The following DDA1 variants were observed in gnomAD, a reference collection of about 807,000 sequenced individuals.
DDA1 encodes DET1 and DDB1 associated 1, also known as DET1- and DDB1-associated protein 1.
DDA1 carries 3 observed loss-of-function variants against 18.6 expected under a neutral mutation model. That is an observed-to-expected ratio of 0.16 (90% CI 0.07 to 0.42). The LOEUF is 0.42. Among genes scored for constraint, DDA1 ranks in the 10% least tolerant of loss-of-function variants. DDA1 has a pLI of 0.99. For synonymous variants in DDA1, 52 were observed against 54.0 expected, an observed-to-expected ratio of 0.96 and a Z score of 0.17; for missense variants, 105 against 138.2, an observed-to-expected ratio of 0.76 and a Z score of 1.20.
At chr19:17,315,305 TATATATATACAC>T (rs2074204670) in intron 3 of DDA1, among the ~76,000 whole-genome samples, 1 of 19,330 alleles carries the variant, frequency 5.2e-5, no homozygotes, top group Non-Finnish European at 1.5e-4. Context: ...TACACACGTG[TATATATATACAC>T]GCTATATATA....
Position 17,319,902 on chromosome 19 carries a change from CT to C in DDA1, c.*251del. ...CCCAGTAGTGTGATGTTGGTAGATG[CT>C]TTTTAAAAAAAACAACATTGTCCCC... On this transcript the variant is annotated 3_prime_UTR_variant, in exon 5 of 5. Transcript: ENST00000359866. 2.3e-6 allele frequency: 1 copy of C among 434,368 alleles called. No homozygotes were observed. Among genetic ancestry groups the C allele is most frequent in the Non-Finnish European group, 4.1e-6 (1 of 242,904 alleles). 26.9% of individuals were successfully genotyped at this position (434,368 alleles called of 1,614,324 possible).
At chr19:17,313,123 G>A (rs1052944728) in intron 1 of DDA1, among the ~76,000 whole-genome samples, 7 of 152,208 alleles carry the variant, frequency 4.6e-5, no homozygotes, top group African/African-American at 1.7e-4. Flanking sequence ...TTCCAGCTCT[G>A]TAGCCTGCAG....
chr19:17,323,271 A>G lies in DDA1; in HGVS notation c.*3615A>G, dbSNP rs927961503. ...TGCATTTCTGCCGTTTTACAAAAAT[A>G]TGACAAAATAAATTAAAAACAAATA... is the stretch of plus-strand genomic sequence containing the variant. On this transcript the variant is annotated 3_prime_UTR_variant, in exon 5 of 5. Coordinates refer to ENST00000359866, the MANE Select transcript of DDA1 (RefSeq NM_024050.6). 23 of 291,776 alleles carry G rather than the reference A, an allele frequency of 7.9e-5. 1 individual carries two copies. Among genetic ancestry groups the G allele is most frequent in the African/African-American group, 5.0e-4 (23 of 45,572 alleles). 18.1% of individuals were successfully genotyped at this position (291,776 alleles called of 1,614,324 possible).
At chr19:17,315,726 C>G (rs1024632246) in intron 3 of DDA1, 13 of 648,194 alleles carry the variant, frequency 2.0e-5, no homozygotes, top group Non-Finnish European at 3.3e-5. Flanking sequence ...GGTGGAATCC[C>G]TTGCAGGGAG....
At position 17,316,757 on chromosome 19, in the gene DDA1, A is replaced by G. The variant is rs139853504; in HGVS notation, c.198+762A>G. Reference sequence around the variant, plus strand: ...GCCAGGTATGCTGGTGGGCGCCTGTAGTCCCAGCTTCTTGGGAGGCTGAGG... The same window carrying G: ...GCCAGGTATGCTGGTGGGCGCCTGTGGTCCCAGCTTCTTGGGAGGCTGAGG... On this transcript the variant is annotated intron_variant, in intron 4 of 4. Coordinates refer to ENST00000359866, the MANE Select transcript of DDA1 (RefSeq NM_024050.6). 2.3e-3 allele frequency among the ~76,000 whole-genome samples: 350 copies of G among 152,064 alleles called. 5 individuals are homozygous for G. The East Asian group carries it at 0.024, about 10-fold the overall frequency.
At chr19:17,309,984 T>A (rs1316946896) in intron 1 of DDA1, among the ~76,000 whole-genome samples, 1 of 152,162 alleles carries the variant, frequency 6.6e-6, no homozygotes, top group Non-Finnish European at 1.5e-5. Context: ...GGCCTCGTTC[T>A]CAGCACGCCG....
Position 17,319,973 on chromosome 19 carries a change from C to T in DDA1, c.*317C>T, listed in dbSNP as rs2074232095. On this transcript the variant is annotated 3_prime_UTR_variant, in exon 5 of 5. Coordinates refer to ENST00000359866, the MANE Select transcript of DDA1 (RefSeq NM_024050.6). ...GGGCCAGTTCCCCGATTCCTGCCCCCAGTTCTCCAGAGAACCAGAGTGTGT... is the reference window on the plus strand; with the variant it reads ...GGGCCAGTTCCCCGATTCCTGCCCCTAGTTCTCCAGAGAACCAGAGTGTGT... The T allele has an allele frequency of 3.5e-6, 1 of 285,922 alleles. No individual in the cohort carries two copies. Among genetic ancestry groups the T allele is most frequent in the Non-Finnish European group, 6.7e-6 (1 of 148,606 alleles). The allele number at this position is 285,922 out of a possible 1,614,324, so 17.7% of individuals were successfully genotyped here.
chr19:17,315,134 CAT>C lies in DDA1; in HGVS notation c.136+753_136+754del, dbSNP rs71180392. ...ATATACACACACGTATATATACACA[CAT>C]ATATATACACACACGTATATATACA... On this transcript the variant is annotated intron_variant, in intron 3 of 4. Transcript: ENST00000359866. 1.8e-3 allele frequency among the ~76,000 whole-genome samples: 157 copies of C among 85,170 alleles called. 23 individuals carry two copies. The highest frequency in any genetic ancestry group is 0.011 in the African/African-American group (129 of 11,412). The allele number at this position is 85,170 out of a possible 152,430, so 55.9% of individuals were successfully genotyped here.
intron 4 of DDA1, among the ~76,000 whole-genome samples, chr19:17,318,576 A>T (rs1270093662): frequency 4.0e-5 from 6 of 151,126 alleles, no homozygotes; most frequent in Admixed American, 3.9e-4. Context: ...CATGTTGGCC[A>T]GGCTAGTCTC....
chr19:17,322,340 C>G lies in DDA1; in HGVS notation c.*2684C>G, dbSNP rs79802713. ...CTGGCACACACACCCTGTGTAGCTC[C>G]CACTGCCTGTGGGAGGACGCTGGGC... On this transcript the variant is annotated 3_prime_UTR_variant, in exon 5 of 5. Transcript: ENST00000359866. 1,933 of 153,618 alleles carry G rather than the reference C, an allele frequency of 0.013. 112 individuals carry two copies. The highest frequency in any genetic ancestry group is 0.12 in the East Asian group (639 of 5,178). 9.5% of individuals were successfully genotyped at this position (153,618 alleles called of 1,614,324 possible).
intron 1 of DDA1, among the ~76,000 whole-genome samples, chr19:17,313,228 TCTGA>T (rs1055750136): frequency 1.8e-4 from 28 of 152,116 alleles, no homozygotes; most frequent in African/African-American, 5.8e-4. Context: ...CCCCTGGTTT[TCTGA>T]CTGAGACTGG....
Position 17,309,569 on chromosome 19 carries a change from C to G in DDA1, c.-86C>G. The G allele has an allele frequency of 2.9e-6, 4 of 1,397,712 alleles. No homozygotes were observed. The highest frequency in any genetic ancestry group is 4.1e-6 in the Non-Finnish European group (4 of 987,630). The allele number at this position is 1,397,712 out of a possible 1,614,324, so 86.6% of individuals were successfully genotyped here. A position where few individuals can be genotyped will look rare whatever the true frequency, so the allele number is the denominator to read the frequency against. Reference sequence around the variant, plus strand: ...TGGGCTGTGCCGTGGCTGGAAGTTACTGTGAGGCGGCGGCTAAGAAGGCGG... The same window carrying G: ...TGGGCTGTGCCGTGGCTGGAAGTTAGTGTGAGGCGGCGGCTAAGAAGGCGG... On this transcript the variant is annotated 5_prime_UTR_variant, in exon 1 of 5. Transcript: ENST00000359866.
rs775410481 is a variant in DDA1 at position 17,320,323 on chromosome 19, G to A, written c.*667G>A. 1.3e-5 allele frequency: 2 copies of A among 152,308 alleles called. No individual in the cohort carries two copies. The highest frequency in any genetic ancestry group is 2.9e-5 in the Non-Finnish European group (2 of 68,108). The allele number at this position is 152,308 out of a possible 1,614,324, so 9.4% of individuals were successfully genotyped here. ...TCGCGTCTTTGCTCCACACACCTTG[G>A]CTGCAGAGGACGGAGCCCCTGGGAG... is the stretch of plus-strand genomic sequence containing the variant. On this transcript the variant is annotated 3_prime_UTR_variant, in exon 5 of 5. Coordinates refer to ENST00000359866, the MANE Select transcript of DDA1 (RefSeq NM_024050.6).
intron 1 of DDA1, among the ~76,000 whole-genome samples, chr19:17,311,690 C>T (rs906608754): frequency 6.0e-4 from 91 of 152,294 alleles, no homozygotes; most frequent in African/African-American, 2.1e-3. Context: ...TCTTTCTGCT[C>T]GGAACACTCT....
Position 17,320,468 on chromosome 19 carries a change from A to T in DDA1, c.*812A>T, listed in dbSNP as rs2074234831. The stretch of plus-strand genomic sequence containing the variant: ...ATGTTCAAGGCCAAGACCTGCCTGG[A>T]CCATCCCCTCTGCCTCTCCTGTCAA... On this transcript the variant is annotated 3_prime_UTR_variant, in exon 5 of 5. Transcript: ENST00000359866. The T allele has an allele frequency of 6.6e-6, 1 of 152,288 alleles. No homozygotes were observed. The highest frequency in any genetic ancestry group is 1.5e-5 in the Non-Finnish European group (1 of 68,126). The allele number at this position is 152,288 out of a possible 1,614,324, so 9.4% of individuals were successfully genotyped here.
intron 4 of DDA1, among the ~76,000 whole-genome samples, chr19:17,316,216 C>G (rs1234789764): frequency 6.6e-6 from 1 of 152,154 alleles, no homozygotes; most frequent in African/African-American, 2.4e-5. Flanking sequence ...GGAGGCCAGG[C>G]CCAAGTAGCC....
In DDA1 at chr19:17,314,413, C is replaced by A; in HGVS notation, c.136+24C>A. The A allele has an allele frequency of 6.2e-7, 1 of 1,614,202 alleles. No homozygotes were observed. The highest frequency in any genetic ancestry group is 8.5e-7 in the Non-Finnish European group (1 of 1,180,010). On this transcript the variant is annotated intron_variant, in intron 3 of 4. Coordinates refer to ENST00000359866, the MANE Select transcript of DDA1 (RefSeq NM_024050.6). This position sits in a 1 kb window ranked among gnomAD's most constrained non-coding sequence, Gnocchi z 4.6. ...GAGTAAGTGGCCGCTGTCAGTCTGT[C>A]CCATTCTGGCTGCTGAGGGGCGGGG...
chr19:17,315,394 C>CTA (rs543814126), intron 3 of DDA1, among the ~76,000 whole-genome samples: 2 of 91,000 alleles, frequency 2.2e-5, no homozygotes, highest in Admixed American at 1.1e-4. Flanking sequence ...TATATACACA[C>CTA]TATATATATA....
chr19:17,315,451 T>TATATATATATATATATATAGATATATAG (rs1487066795), intron 3 of DDA1, among the ~76,000 whole-genome samples: 1 of 140,858 alleles, frequency 7.1e-6, no homozygotes, highest in African/African-American at 2.7e-5. Flanking sequence ...TATATATATA[T>TATATATATATATATATATAGATATATAG]ATATTAGCCG....
Sources: allele counts gnomAD v4.1 joint callset (sites outside exome capture counted in the v4.1 genomes callset), GRCh38; gene constraint gnomAD v4.1.1; non-coding constraint Gnocchi (gnomAD v3.1); transcripts MANE v1.5; gene names NCBI Gene and HGNC (gene_info 2026-07-23, HGNC 2026-07-21).